Variants in PCDHGA8 observed in about 807,000 individuals in gnomAD.
PCDHGA8 encodes protocadherin gamma subfamily A, 8, also known as protocadherin gamma-A8.
PCDHGA8 carries 45 observed loss-of-function variants against 59.2 expected under a neutral mutation model. The observed-to-expected ratio is 0.76, with a 90% CI of 0.60 to 0.98. The LOEUF (loss-of-function observed/expected upper bound fraction) is 0.98. PCDHGA8 is among the 50% of genes least tolerant of loss of function. PCDHGA8 has a pLI of 0.00. For synonymous variants in PCDHGA8, 531 were observed against 519.0 expected, an observed-to-expected ratio of 1.02 and a Z score of -0.32; for missense variants, 1,257 against 1,196.2, an observed-to-expected ratio of 1.05 and a Z score of -0.75.
At chr5:141,434,875 A>G (rs2097725018) in intron 1 of PCDHGA8, among the ~76,000 whole-genome samples, 1 of 151,990 alleles carries the variant, frequency 6.6e-6, no homozygotes, top group African/African-American at 2.4e-5. Flanking sequence ...TGTGACAGAT[A>G]CCAACAACAA....
chr5:141,419,258 C>G lies in PCDHGA8; in HGVS notation c.2424+24021C>G, dbSNP rs761740232. The G allele has an allele frequency of 2.5e-6, 4 of 1,614,028 alleles. No individual in the cohort carries two copies. The Admixed American group carries it at 6.7e-5, about 27-fold the overall frequency. ...GGTCCACGTGCCAGAAAACAACCAG[C>G]CGGGTGCCTCCATAGCGCAAGTCAG... On this transcript the variant is annotated intron_variant, in intron 1 of 3. Transcript: ENST00000398604.
intron 1 of PCDHGA8, among the ~76,000 whole-genome samples, chr5:141,444,395 T>A (rs960583048): frequency 1.3e-5 from 2 of 151,996 alleles, no homozygotes; most frequent in Non-Finnish European, 2.9e-5. Context: ...AGTCTTGAAC[T>A]CCCAACCTCA....
intron 1 of PCDHGA8, among the ~76,000 whole-genome samples, chr5:141,456,902 G>A (rs886945444): frequency 6.6e-6 from 1 of 152,294 alleles, no homozygotes; most frequent in South Asian, 2.1e-4. Flanking sequence ...GGCAGAGGTT[G>A]CAGTGAGCCG....
chr5:141,451,536 G>A (rs1183287437), intron 1 of PCDHGA8, among the ~76,000 whole-genome samples: 1 of 152,202 alleles, frequency 6.6e-6, no homozygotes, highest in Non-Finnish European at 1.5e-5. Context: ...GAGAGTGCCA[G>A]AGAGGGCAAA....
chr5:141,486,379 G>A lies in PCDHGA8; in HGVS notation c.2425-8428G>A. 2 of 1,614,094 alleles carry A rather than the reference G, an allele frequency of 1.2e-6. No individual in the cohort carries two copies. Among genetic ancestry groups the A allele is most frequent in the Non-Finnish European group, 1.7e-6 (2 of 1,180,000 alleles). ...CATTTGCCCTCAAGTCTGCCTTCAG[G>A]AACCAGTTCTCCCTGGTGACTGCTG... On this transcript the variant is annotated intron_variant, in intron 1 of 3. Transcript: ENST00000398604. The surrounding 1 kb of genome is among the most constrained non-coding windows in gnomAD (Gnocchi z 5.0).
chr5:141,499,932 C>A (rs1169727162), intron 2 of PCDHGA8, among the ~76,000 whole-genome samples: 1 of 152,076 alleles, frequency 6.6e-6, no homozygotes, highest in Non-Finnish European at 1.5e-5. Context: ...AAGTGATCCA[C>A]CCTCCTCGGC....
intron 1 of PCDHGA8, among the ~76,000 whole-genome samples, chr5:141,420,626 C>T (rs1192244062): frequency 6.6e-6 from 1 of 152,152 alleles, no homozygotes; most frequent in Non-Finnish European, 1.5e-5. Flanking sequence ...TTCATTTACT[C>T]AATAAAGGAA....
Position 141,490,709 on chromosome 5 carries a change from C to T in PCDHGA8, c.2425-4098C>T. ...GACACTGGGGATAATGCCCGCCTCA[C>T]CTACTCCATTGTAGGAAATCAGGTT... On this transcript the variant is annotated intron_variant, in intron 1 of 3. Transcript: ENST00000398604. This position sits in a 1 kb window ranked among gnomAD's most constrained non-coding sequence, Gnocchi z 5.4. The T allele has an allele frequency of 1.9e-6, 3 of 1,614,218 alleles. No homozygotes were observed. Among genetic ancestry groups the T allele is most frequent in the Non-Finnish European group, 2.5e-6 (3 of 1,180,038 alleles).
At chr5:141,436,394 T>C (rs781428769) in intron 1 of PCDHGA8, among the ~76,000 whole-genome samples, 15 of 152,216 alleles carry the variant, frequency 9.9e-5, no homozygotes, top group Non-Finnish European at 1.9e-4. Flanking sequence ...CTTTATTAAA[T>C]AGTTGTTGAA....
Position 141,420,299 on chromosome 5 carries a change from T to A in PCDHGA8, c.2424+25062T>A, listed in dbSNP as rs377297222. On this transcript the variant is annotated intron_variant, in intron 1 of 3. Coordinates refer to ENST00000398604, the MANE Select transcript of PCDHGA8 (RefSeq NM_032088.2). Reference sequence around the variant, plus strand: ...GGTAAGTATTTAAAAATGTATTTAATCCTTTTTATATTACAATATGCCAAT... The same window carrying A: ...GGTAAGTATTTAAAAATGTATTTAAACCTTTTTATATTACAATATGCCAAT... 6.8e-6 allele frequency: 10 copies of A among 1,465,980 alleles called. No homozygotes were observed. The African/African-American group carries it at 1.4e-4, about 21-fold the overall frequency. 90.8% of individuals were successfully genotyped at this position (1,465,980 alleles called of 1,614,324 possible). A position where few individuals can be genotyped will look rare whatever the true frequency, so the allele number is the denominator to read the frequency against.
Position 141,491,819 on chromosome 5 carries a change from G to C in PCDHGA8, c.2425-2988G>C. The C allele has an allele frequency of 6.7e-7, 1 of 1,482,028 alleles. No individual in the cohort carries two copies. Among genetic ancestry groups the C allele is most frequent in the Non-Finnish European group, 9.0e-7 (1 of 1,116,648 alleles). The allele number at this position is 1,482,028 out of a possible 1,614,324, so 91.8% of individuals were successfully genotyped here. A position where few individuals can be genotyped will look rare whatever the true frequency, so the allele number is the denominator to read the frequency against. On this transcript the variant is annotated intron_variant, in intron 1 of 3. Transcript: ENST00000398604. This position sits in a 1 kb window ranked among gnomAD's most constrained non-coding sequence, Gnocchi z 6.9. ...TCCGGCCGGCTTGGTCGCTGGCTGCGCTCCACCCGATTCTCGGGATCATTG... is the reference window on the plus strand; with the variant it reads ...TCCGGCCGGCTTGGTCGCTGGCTGCCCTCCACCCGATTCTCGGGATCATTG...
intron 1 of PCDHGA8, chr5:141,415,512 T>G (rs997659180): frequency 3.1e-6 from 5 of 1,614,234 alleles, no homozygotes; most frequent in Non-Finnish European, 4.2e-6. Context: ...AGCCCAATTA[T>G]GCGGACACGC....
At chr5:141,495,437 C>T (rs2099761356) in intron 2 of PCDHGA8, among the ~76,000 whole-genome samples, 1 of 152,178 alleles carries the variant, frequency 6.6e-6, no homozygotes, top group East Asian at 1.9e-4. Flanking sequence ...GTCCTCTGCC[C>T]CTACTTGTCC....
At chr5:141,400,087 G>A (rs751908680) in intron 1 of PCDHGA8, 3 of 1,614,042 alleles carry the variant, frequency 1.9e-6, no homozygotes, top group Non-Finnish European at 2.5e-6. Flanking sequence ...CTCCGCCACC[G>A]CCACGCTGCA....
intron 1 of PCDHGA8, among the ~76,000 whole-genome samples, chr5:141,436,604 G>A (rs2097836057): frequency 6.6e-6 from 1 of 152,146 alleles, no homozygotes; most frequent in Admixed American, 6.5e-5. Context: ...GTGATGGCTA[G>A]GGCTAACAAA....
At chr5:141,420,073 G>A (rs2096463936) in intron 1 of PCDHGA8, 23 of 1,613,964 alleles carry the variant, frequency 1.4e-5, no homozygotes, top group Non-Finnish European at 1.9e-5. Context: ...CCGGACCTGT[G>A]GGTCCCCCCA....
At chr5:141,405,489 G>A (rs1008095215) in intron 1 of PCDHGA8, 51 of 894,082 alleles carry the variant, frequency 5.7e-5, no homozygotes, top group Non-Finnish European at 7.7e-5. Context: ...GTGTGATCTC[G>A]GCTCATTGCA....
chr5:141,417,861 T>A, intron 1 of PCDHGA8: 3 of 1,549,554 alleles, frequency 1.9e-6, no homozygotes, highest in Non-Finnish European at 2.6e-6. Context: ...GAGCGAACGA[T>A]GGGAGGGAGC....
chr5:141,411,536 A>G (rs1333872781), intron 1 of PCDHGA8: 1 of 152,248 alleles, frequency 6.6e-6, no homozygotes, highest in Admixed American at 6.5e-5. Context: ...GTGAGCCCTG[A>G]TCTTGCCACT....
Sources: gnomAD v4.1 joint callset for allele counts (sites outside exome capture counted in the v4.1 genomes callset) on GRCh38, gnomAD v4.1.1 for gene constraint, Gnocchi (gnomAD v3.1) non-coding constraint, MANE v1.5 for transcripts, NCBI Gene and HGNC (gene_info 2026-07-23, HGNC 2026-07-21) for gene names.